The following LRRC9 variants were observed in gnomAD, a reference collection of about 807,000 sequenced individuals.
The protein encoded by LRRC9 is leucine-rich repeat-containing protein 9.
LRRC9 carries 122 observed loss-of-function variants against 63.2 expected under a neutral mutation model. The ratio of observed to expected loss-of-function variants is 1.93; its 90% CI spans 1.67 to 2.24. The LOEUF (loss-of-function observed/expected upper bound fraction) is 2.24, where lower values mean the gene tolerates loss of function less well. LRRC9 is among the 30% of genes most tolerant of loss of function. LRRC9 has a pLI of 0.00. For missense variants in LRRC9, 1,071 were observed against 627.7 expected (o/e 1.71, Z -7.55); for synonymous variants, 366 against 213.1 (o/e 1.72, Z -6.25).
Position 60,017,589 on chromosome 14 carries a change from G to A in LRRC9, c.3318-782G>A, listed in dbSNP as rs1425221427. 1.3e-5 allele frequency among the ~76,000 whole-genome samples: 2 copies of A among 152,058 alleles called. No homozygotes were observed. Among genetic ancestry groups the A allele is most frequent in the Non-Finnish European group, 2.9e-5 (2 of 67,990 alleles). On this transcript the variant is annotated intron_variant, in intron 24 of 31. Transcript: ENST00000445360. This position sits in a 1 kb window ranked among gnomAD's most constrained non-coding sequence, Gnocchi z 4.0. Reference sequence around the variant, plus strand: ...TTCTGGCTCCCACTTCTTGGGGGCTGAAACATTTCTTTCATCTTTCTTGTA... The same window carrying A: ...TTCTGGCTCCCACTTCTTGGGGGCTAAAACATTTCTTTCATCTTTCTTGTA...
intron 1 of LRRC9, among the ~76,000 whole-genome samples, chr14:59,926,908 C>A (rs1022575562): frequency 2.6e-5 from 4 of 152,078 alleles, no homozygotes; most frequent in Non-Finnish European, 5.9e-5. Flanking sequence ...AAAATGTGTA[C>A]CCATAGTAGA....
chr14:60,061,963 CATT>C (rs1894682715), intron 31 of LRRC9, 45 bp from the exon 32 acceptor site: 2 of 398,164 alleles, frequency 5.0e-6, no homozygotes, highest in Non-Finnish European at 8.9e-6. Flanking sequence ...TAATGTTTCT[CATT>C]GTTTCATAAT....
chr14:60,033,938 C>T (rs1892198764), intron 29 of LRRC9, among the ~76,000 whole-genome samples: 3 of 150,866 alleles, frequency 2.0e-5, no homozygotes, highest in African/African-American at 4.9e-5. Context: ...AAGCTAGTCA[C>T]GTTTGTATTT....
intron 29 of LRRC9, among the ~76,000 whole-genome samples, chr14:60,043,577 AT>A (rs2140389665): frequency 6.6e-6 from 1 of 152,194 alleles, no homozygotes; most frequent in African/African-American, 2.4e-5. Context: ...TTCTGTTAAT[AT>A]TGTATAACAT....
In LRRC9 at chr14:59,962,434, C is replaced by T. The variant is rs1386206352; in HGVS notation, c.1211+1389C>T. On this transcript the variant is annotated intron_variant, in intron 10 of 31. Coordinates refer to ENST00000445360, the Ensembl canonical transcript of LRRC9. This position sits in a 1 kb window ranked among gnomAD's most constrained non-coding sequence, Gnocchi z 5.1. ...ATTTTTTTTTTTTGAGATAGAGTCT[C>T]GCTGTGTCCCCGAGACTGGAGTGCA... Among the ~76,000 whole-genome samples the T allele has an allele frequency of 1.3e-5, 2 of 151,546 alleles. No homozygotes were observed. Among genetic ancestry groups the T allele is most frequent in the Non-Finnish European group, 2.9e-5 (2 of 67,930 alleles).
chr14:59,979,276 T>G (rs1353256650), intron 15 of LRRC9, among the ~76,000 whole-genome samples: 1 of 152,146 alleles, frequency 6.6e-6, no homozygotes, highest in Admixed American at 6.5e-5. Context: ...ATCATTTATC[T>G]TATATATGTT....
intron 27 of LRRC9, among the ~76,000 whole-genome samples, chr14:60,024,748 T>G (rs929076075): frequency 6.6e-6 from 1 of 152,056 alleles, no homozygotes; most frequent in African/African-American, 2.4e-5. Context: ...CTAGTGGGAA[T>G]TGGGCTGCTA....
intron 19 of LRRC9, among the ~76,000 whole-genome samples, chr14:60,001,722 TTATAG>T (rs78099110): frequency 0.02 from 3,078 of 152,236 alleles, 111 homozygotes; most frequent in East Asian, 0.15. Flanking sequence ...TGTGTTCATA[TTATAG>T]TAATCATTTT....
chr14:59,938,454 C>T lies in LRRC9; in HGVS notation c.608C>T (p.Thr203Ile). ...TTATGTCTGAATGACCCTCAATATACAACCAATCCAGTTTGTCTTCTGTGT... is the reference window on the plus strand; with the variant it reads ...TTATGTCTGAATGACCCTCAATATATAACCAATCCAGTTTGTCTTCTGTGT... The change falls in exon 7 of 32, where the codon ACA becomes ATA. Residue 203 changes from threonine to isoleucine, a missense_variant. By Grantham distance (89) the Thr-to-Ile change is moderately conservative (BLOSUM62 -1). Transcript: ENST00000445360. The surrounding 1 kb of genome is among the most constrained non-coding windows in gnomAD (Gnocchi z 4.2). The T allele has an allele frequency of 1.4e-6, 1 of 698,454 alleles. No individual in the cohort carries two copies. Among genetic ancestry groups the T allele is most frequent in the South Asian group, 1.5e-5 (1 of 67,134 alleles). The allele number at this position is 698,454 out of a possible 1,614,324, so 43.3% of individuals were successfully genotyped here.
In LRRC9 at chr14:60,008,226, T is replaced by A. The variant is rs376977021; in HGVS notation, c.3186+12T>A. The A allele has an allele frequency of 1.2e-3, 850 of 696,542 alleles. 7 individuals carry two copies. The South Asian group carries it at 0.012, about 10-fold the overall frequency. 43.1% of individuals were successfully genotyped at this position (696,542 alleles called of 1,614,324 possible). ...ATGGGATACCAATTGTAAGTTGATT[T>A]ATGACTCACAACATTTGGTCTAAGC... On this transcript the variant is annotated intron_variant, in intron 23 of 31. Transcript: ENST00000445360.
At chr14:60,057,377 T>G (rs1894361970) in intron 30 of LRRC9, among the ~76,000 whole-genome samples, 1 of 152,146 alleles carries the variant, frequency 6.6e-6, no homozygotes, top group South Asian at 2.1e-4. Context: ...AATTGATTAT[T>G]ATAAGATGCT....
At chr14:60,052,939 TCTATTA>T (rs1179329411) in intron 29 of LRRC9, 120 bp from the exon 30 acceptor site, 2 of 532,860 alleles carry the variant, frequency 3.8e-6, no homozygotes. Flanking sequence ...ATCTGTAGCA[TCTATTA>T]CTATAAGTTA....
intron 28 of LRRC9, 109 bp downstream of exon 28, chr14:60,028,210 T>C: frequency 1.6e-6 from 1 of 611,786 alleles, no homozygotes; most frequent in Non-Finnish European, 2.9e-6. Flanking sequence ...ATATTATTTA[T>C]CACCTATATA....
intron 29 of LRRC9, among the ~76,000 whole-genome samples, chr14:60,052,168 T>G (rs1178037514): frequency 6.6e-6 from 1 of 152,170 alleles, no homozygotes; most frequent in Non-Finnish European, 1.5e-5. Context: ...TCCACCACTG[T>G]ATGCCTTTTA....
intron 17 of LRRC9, among the ~76,000 whole-genome samples, chr14:59,994,592 C>G (rs1888534120): frequency 1.3e-5 from 2 of 152,136 alleles, no homozygotes; most frequent in African/African-American, 4.8e-5. Context: ...TTCACAATAG[C>G]AAAGACTTGG....
chr14:59,939,906 T>C (rs762932508), intron 7 of LRRC9, among the ~76,000 whole-genome samples: 4 of 151,864 alleles, frequency 2.6e-5, no homozygotes, highest in Non-Finnish European at 5.9e-5. Flanking sequence ...AGATTGGGGG[T>C]ATAAATTAAA....
chr14:59,994,597 A>T (rs1457762466), intron 17 of LRRC9, among the ~76,000 whole-genome samples: 1 of 152,210 alleles, frequency 6.6e-6, no homozygotes, highest in Non-Finnish European at 1.5e-5. Context: ...AATAGCAAAG[A>T]CTTGGAACCA....
exon 9 of LRRC9, chr14:59,959,892 T>G: frequency 1.4e-6 from 1 of 700,252 alleles, no homozygotes; most frequent in Non-Finnish European, 2.6e-6. Context: ...GTAAAGTAAC[T>G]GATCCTGAAA....
intron 26 of LRRC9, among the ~76,000 whole-genome samples, chr14:60,020,375 G>T (rs1351872852): frequency 1.3e-5 from 2 of 151,696 alleles, no homozygotes; most frequent in Non-Finnish European, 2.9e-5. Context: ...CATTTTGGTT[G>T]TTCCTAATTT....
Sources: gnomAD v4.1 joint callset for allele counts (sites outside exome capture counted in the v4.1 genomes callset) on GRCh38, gnomAD v4.1.1 for gene constraint, Gnocchi (gnomAD v3.1) non-coding constraint, MANE v1.5 for transcripts, NCBI Gene and HGNC (gene_info 2026-07-23, HGNC 2026-07-21) for gene names.